The following PDXDC1 variants were observed in gnomAD, a reference collection of about 807,000 sequenced individuals.
The protein encoded by PDXDC1 is pyridoxal-dependent decarboxylase domain-containing protein 1.
A neutral mutation model predicts 100.1 loss-of-function variants in PDXDC1; 42 were observed. The observed-to-expected ratio is 0.42, with a 90% CI of 0.33 to 0.54. The LOEUF is 0.54. Among genes scored for constraint, PDXDC1 ranks in the 20% least tolerant of loss-of-function variants. PDXDC1 has a pLI of 0.10. For missense variants in PDXDC1, 636 were observed against 979.2 expected (o/e 0.65, Z 4.68); for synonymous variants, 260 against 371.7 (o/e 0.70, Z 3.46).
intron 12 of PDXDC1, among the ~76,000 whole-genome samples, chr16:15,020,327 G>C (rs1170193681): frequency 6.6e-6 from 1 of 152,278 alleles, no homozygotes; most frequent in Non-Finnish European, 1.5e-5. Flanking sequence ...TTATGCACGT[G>C]GGTTGAAATC....
chr16:15,028,237 G>A (rs1363243536), intron 14 of PDXDC1, among the ~76,000 whole-genome samples: 10 of 152,264 alleles, frequency 6.6e-5, no homozygotes, highest in Admixed American at 5.2e-4. Flanking sequence ...CTTAACACTC[G>A]GCGTTCCCTC....
chr16:15,143,109 G>A (rs1267906439), downstream of PDXDC1, among the ~76,000 whole-genome samples: 4 of 152,106 alleles, frequency 2.6e-5, no homozygotes, highest in Non-Finnish European at 5.9e-5. Flanking sequence ...GCAGGACGGT[G>A]CCCCAGCCCC....
downstream of PDXDC1, among the ~76,000 whole-genome samples, chr16:15,140,095 C>CAAAAAAAAA (rs372891971): frequency 4.1e-3 from 177 of 43,490 alleles, 1 homozygote; most frequent in Middle Eastern, 0.024. Flanking sequence ...GACTCCATCT[C>CAAAAAAAAA]AAAAAAAAAA....
intron 16 of PDXDC1, among the ~76,000 whole-genome samples, 175 bp downstream of exon 16, chr16:15,030,231 ATCAGAATGAGAAT>A (rs1181330051): frequency 1.3e-5 from 2 of 152,240 alleles, no homozygotes; most frequent in African/African-American, 4.8e-5. Context: ...ACTTACCAGA[ATCAGAATGAGAAT>A]TCAGAAGTCA....
intron 16 of PDXDC1, among the ~76,000 whole-genome samples, chr16:15,067,784 G>C (rs976109872): frequency 6.6e-6 from 1 of 152,076 alleles, no homozygotes; most frequent in Non-Finnish European, 1.5e-5. Flanking sequence ...AAGAGACAGG[G>C]TCTCATTCTG....
the PDXDC1 span, among the ~76,000 whole-genome samples, chr16:15,149,945 A>G: frequency 1.1e-4 from 16 of 152,204 alleles, no homozygotes; most frequent in Non-Finnish European, 1.8e-4. Flanking sequence ...AGGAGACACC[A>G]TGGAGGTGGC....
intron 16 of PDXDC1, among the ~76,000 whole-genome samples, chr16:15,079,196 T>G (rs1386340905): frequency 1.3e-5 from 2 of 152,134 alleles, no homozygotes; most frequent in African/African-American, 4.8e-5. Flanking sequence ...TTTCCCTTAC[T>G]GTCTGCCTCC....
At chr16:15,041,902 G>A (rs564043091), downstream of PDXDC1, among the ~76,000 whole-genome samples, 53 of 152,216 alleles carry the variant, frequency 3.5e-4, no homozygotes, top group African/African-American at 5.8e-4. Context: ...CCTCAGGCCC[G>A]AAGGAGCCTG....
At chr16:15,022,866 G>A in intron 13 of PDXDC1, 112 bp downstream of exon 13, 4 of 859,074 alleles carry the variant, frequency 4.7e-6, no homozygotes, top group Admixed American at 3.3e-5. Context: ...GTGGAATTGT[G>A]GCAGCTCCAG....
At chr16:15,129,481 C>A (rs2047936951) in intron 16 of PDXDC1, among the ~76,000 whole-genome samples, 2 of 152,214 alleles carry the variant, frequency 1.3e-5, no homozygotes, top group South Asian at 4.1e-4. Context: ...GCCAGAAGGG[C>A]AATTCCAATG....
downstream of PDXDC1, chr16:15,041,214 G>A (rs7498279): frequency 1 from 843,443 of 843,490 alleles, 421,698 homozygotes; most frequent in Middle Eastern, 1. Context: ...GGAGCTCCTC[G>A]ATGCAGAAAG....
chr16:14,980,559 C>T (rs1293021775), intron 1 of PDXDC1, among the ~76,000 whole-genome samples: 1 of 152,288 alleles, frequency 6.6e-6, no homozygotes, highest in Non-Finnish European at 1.5e-5. Flanking sequence ...AGTCTCGGCT[C>T]ACTGCAAGCT....
chr16:14,989,922 C>T (rs1970346376), intron 1 of PDXDC1: 3 of 1,501,796 alleles, frequency 2.0e-6, no homozygotes, highest in African/African-American at 1.4e-5. Flanking sequence ...TACCGCCTCG[C>T]CGCGCTCCCG....
At chr16:15,032,221 A>C (rs565760931) in intron 17 of PDXDC1, 1 of 338,844 alleles carries the variant, frequency 3.0e-6, no homozygotes, top group Admixed American at 4.1e-5. Context: ...AGAGAATTGC[A>C]AATCAGTAAG....
At chr16:15,133,372 T>G in intron 16 of PDXDC1, 1 of 1,047,552 alleles carries the variant, frequency 9.5e-7, no homozygotes, top group Non-Finnish European at 1.4e-6. Context: ...GCAGCCAGAC[T>G]GTGAGCCCCA....
At chr16:15,076,247 TTAAACAGG>T (rs1458798367) in intron 16 of PDXDC1, among the ~76,000 whole-genome samples, 1 of 152,098 alleles carries the variant, frequency 6.6e-6, no homozygotes, top group Non-Finnish European at 1.5e-5. Context: ...AATGCAGAAA[TTAAACAGG>T]TATGCTTTTC....
intron 16 of PDXDC1, among the ~76,000 whole-genome samples, chr16:15,055,427 C>A (rs564309187): frequency 2.0e-5 from 3 of 152,312 alleles, no homozygotes; most frequent in South Asian, 4.1e-4. Context: ...CCGCCAAGAT[C>A]CCCCAGGCCA....
intron 16 of PDXDC1, chr16:15,060,323 A>G (rs2044666493): frequency 4.3e-6 from 1 of 230,016 alleles, no homozygotes; most frequent in Non-Finnish European, 8.9e-6. Context: ...AAACCCGGAA[A>G]AGAAAACCAC....
chr16:15,092,047 T>C (rs2151828179), intron 16 of PDXDC1, among the ~76,000 whole-genome samples: 1 of 152,142 alleles, frequency 6.6e-6, no homozygotes, highest in South Asian at 2.1e-4. Flanking sequence ...GGTGTGGTGG[T>C]GTGTGCCTGT....
Sources: allele counts gnomAD v4.1 joint callset (sites outside exome capture counted in the v4.1 genomes callset), GRCh38; gene constraint gnomAD v4.1.1; transcripts MANE v1.5; gene names NCBI Gene and HGNC (gene_info 2026-07-23, HGNC 2026-07-21).